The following SAMD4B variants were observed in gnomAD, a reference collection of about 807,000 sequenced individuals.
SAMD4B encodes sterile alpha motif domain containing 4B.
SAMD4B carries 5 observed loss-of-function variants against 74.5 expected under a neutral mutation model. The ratio of observed to expected loss-of-function variants is 0.07; its 90% CI spans 0.04 to 0.14. The LOEUF (loss-of-function observed/expected upper bound fraction) is 0.14, where lower values mean the gene tolerates loss of function less well. Among genes scored for constraint, SAMD4B ranks in the 10% least tolerant of loss-of-function variants. SAMD4B has a pLI of 1.00. For synonymous variants in SAMD4B, 373 were observed against 374.9 expected (o/e 1.00, Z 0.06); for missense variants, 608 against 921.8 (o/e 0.66, Z 4.41).
At position 39,375,678 on chromosome 19, in the gene SAMD4B, A is replaced by C. The variant is rs780651222; in HGVS notation, c.696A>C (p.Pro232=). ...TCCCCTGCCAAATCCACCCTAGCCC[A>C]CTGAAGCGCTCCATGTCACTCATCC... ...TGLPCQIHPS[P]LKRSMSLIPT... Residue 232 remains proline (P), a synonymous_variant, in exon 5 of 14, where the codon CCA becomes CCC. Transcript: ENST00000610417. The surrounding 1 kb of genome is among the most constrained non-coding windows in gnomAD (Gnocchi z 4.1). 6.2e-7 allele frequency: 1 copy of C among 1,611,328 alleles called. No individual in the cohort carries two copies. Among genetic ancestry groups the C allele is most frequent in the East Asian group, 2.2e-5 (1 of 44,744 alleles).
At chr19:39,350,352 A>G (rs2075963938) in intron 1 of SAMD4B, 1 of 152,236 alleles carries the variant, frequency 6.6e-6, no homozygotes, top group South Asian at 2.1e-4. Flanking sequence ...GACTAACTCC[A>G]CCATCCTGCT....
chr19:39,360,841 C>T (rs1280804294), intron 3 of SAMD4B, among the ~76,000 whole-genome samples: 3 of 152,118 alleles, frequency 2.0e-5, no homozygotes, highest in Admixed American at 1.3e-4. Flanking sequence ...CAGATTTCTG[C>T]CCCCCATAGA....
chr19:39,354,450 C>G (rs772943162), intron 2 of SAMD4B, among the ~76,000 whole-genome samples: 15 of 152,166 alleles, frequency 9.9e-5, no homozygotes, highest in Admixed American at 7.2e-4. Flanking sequence ...CTTCTTCCCC[C>G]CTAGGGCTAT....
At chr19:39,376,889 G>A in intron 7 of SAMD4B, 98 bp downstream of exon 7, 2 of 1,015,844 alleles carry the variant, frequency 2.0e-6, no homozygotes, top group Non-Finnish European at 3.0e-6. Flanking sequence ...CTCGGATGTG[G>A]CCTCCAAAAT....
At chr19:39,349,485 C>T (rs1204847607) in intron 1 of SAMD4B, among the ~76,000 whole-genome samples, 1 of 152,148 alleles carries the variant, frequency 6.6e-6, no homozygotes, top group Non-Finnish European at 1.5e-5. Context: ...CCTCCCTTCC[C>T]CAGCACCATT....
downstream of SAMD4B, chr19:39,388,693 G>A: frequency 6.2e-7 from 1 of 1,612,450 alleles, no homozygotes; most frequent in Non-Finnish European, 8.5e-7. Context: ...GGGGGAAAAG[G>A]AGTAGCAATG....
At chr19:39,358,612 A>G (rs1244957723) in intron 3 of SAMD4B, among the ~76,000 whole-genome samples, 1 of 152,106 alleles carries the variant, frequency 6.6e-6, no homozygotes, top group Non-Finnish European at 1.5e-5. Context: ...TAAAAAAAAA[A>G]AAAGAAAAGG....
chr19:39,389,832 C>A, downstream of SAMD4B: 1 of 1,589,932 alleles, frequency 6.3e-7, no homozygotes, highest in Non-Finnish European at 8.6e-7. This position sits in a 1 kb window ranked among gnomAD's most constrained non-coding sequence, Gnocchi z 5.3. Context: ...TTCCCAGAGG[C>A]GGAGCTTCTC....
chr19:39,389,025 C>G (rs748408778), downstream of SAMD4B: 2 of 1,613,926 alleles, frequency 1.2e-6, no homozygotes, highest in African/African-American at 2.7e-5. The surrounding 1 kb of genome is among the most constrained non-coding windows in gnomAD (Gnocchi z 5.3). Context: ...TCTGGTGGAA[C>G]AAAAACAAGG....
chr19:39,362,791 T>C (rs1349995416), intron 3 of SAMD4B, among the ~76,000 whole-genome samples: 1 of 152,000 alleles, frequency 6.6e-6, no homozygotes, highest in East Asian at 1.9e-4. Context: ...TCTTCCCACC[T>C]CCTATTCTGA....
At position 39,370,274 on chromosome 19, in the gene SAMD4B, CT is replaced by C; in HGVS notation, c.667+152del. The C allele has an allele frequency of 5.3e-6, 4 of 761,518 alleles. No individual in the cohort carries two copies. In the South Asian group the frequency reaches 7.1e-5, roughly 14 times the overall value. The allele number at this position is 761,518 out of a possible 1,614,324, so 47.2% of individuals were successfully genotyped here. A position where few individuals can be genotyped will look rare whatever the true frequency, so the allele number is the denominator to read the frequency against. ...AGGCAATGCAGAGGCTGTGAACTGGCTTTCCCAGAGCTGAATCTGACCTACA... is the reference window on the plus strand; with the variant it reads ...AGGCAATGCAGAGGCTGTGAACTGGCTTCCCAGAGCTGAATCTGACCTACA... On this transcript the variant is annotated intron_variant, in intron 4 of 13. Transcript: ENST00000610417.
downstream of SAMD4B, chr19:39,389,847 G>T: frequency 6.4e-7 from 1 of 1,554,630 alleles, no homozygotes. This position sits in a 1 kb window ranked among gnomAD's most constrained non-coding sequence, Gnocchi z 5.3. Context: ...CTTCTCTGGG[G>T]AGGAACTCAG....
At chr19:39,360,160 TG>T (rs1182507696) in intron 3 of SAMD4B, 1 of 150,308 alleles carries the variant, frequency 6.7e-6, no homozygotes, top group East Asian at 1.9e-4. Context: ...CACTCCAGCC[TG>T]GGCGACAGAG....
At chr19:39,390,668 G>A, downstream of SAMD4B, 3 of 803,928 alleles carry the variant, frequency 3.7e-6, no homozygotes, top group Non-Finnish European at 6.1e-6. Context: ...GGGAGGAGGG[G>A]AACACCTGAA....
In SAMD4B at chr19:39,343,128, G is replaced by A. The variant is rs1451410053; in HGVS notation, c.-267+552G>A. On this transcript the variant is annotated intron_variant, in intron 1 of 13. Coordinates refer to ENST00000610417, the MANE Select transcript of SAMD4B (RefSeq NM_001384574.2). The stretch of plus-strand genomic sequence containing the variant: ...GCTGCTCCAGGAGCCTCCCTCACGA[G>A]CCCTGCACACCTCCCCAAGGCTCCC... Among the ~76,000 whole-genome samples, 3 of 151,682 alleles carry A rather than the reference G, an allele frequency of 2.0e-5. No homozygotes were observed. In the East Asian group the frequency reaches 5.9e-4, roughly 30 times the overall value.
At position 39,357,970 on chromosome 19, in the gene SAMD4B, CT is replaced by C. The variant is rs372690435; in HGVS notation, c.196+884del. Among the ~76,000 whole-genome samples the C allele has an allele frequency of 2.0e-5, 3 of 152,296 alleles. 1 individual carries two copies. Among genetic ancestry groups the C allele is most frequent in the African/African-American group, 7.2e-5 (3 of 41,580 alleles). On this transcript the variant is annotated intron_variant, in intron 3 of 13. Coordinates refer to ENST00000610417, the MANE Select transcript of SAMD4B (RefSeq NM_001384574.2). Reference sequence around the variant, plus strand: ...AGTACTGTCTTTACTTGTATATTAACTTTAAAAGCAGTGTTCTTGGCCAGAT... The same window carrying C: ...AGTACTGTCTTTACTTGTATATTAACTTAAAAGCAGTGTTCTTGGCCAGAT...
intron 1 of SAMD4B, among the ~76,000 whole-genome samples, chr19:39,343,994 C>G (rs939571185): frequency 2.8e-5 from 1 of 35,548 alleles, no homozygotes; most frequent in Non-Finnish European, 9.4e-5. Context: ...CCCCCCCCCC[C>G]ACACACACAC....
At chr19:39,360,764 C>T (rs2076599204) in intron 3 of SAMD4B, among the ~76,000 whole-genome samples, 1 of 152,166 alleles carries the variant, frequency 6.6e-6, no homozygotes, top group Non-Finnish European at 1.5e-5. Context: ...ATGGCCTTCC[C>T]ATTCCCTGGT....
intron 4 of SAMD4B, among the ~76,000 whole-genome samples, chr19:39,374,333 CT>C (rs2077478851): frequency 6.6e-6 from 1 of 152,076 alleles, no homozygotes; most frequent in Non-Finnish European, 1.5e-5. Flanking sequence ...ATGGAGCATC[CT>C]TCAGAAGAGG....
Sources: gnomAD v4.1 joint callset for allele counts (sites outside exome capture counted in the v4.1 genomes callset) on GRCh38, gnomAD v4.1.1 for gene constraint, Gnocchi (gnomAD v3.1) non-coding constraint, MANE v1.5 for transcripts, NCBI Gene and HGNC (gene_info 2026-07-23, HGNC 2026-07-21) for gene names.